Variants in MTUS2 observed in about 807,000 individuals in gnomAD.
MTUS2 encodes microtubule associated scaffold protein 2.
MTUS2 carries 40 observed loss-of-function variants against 114.1 expected under a neutral mutation model. The observed-to-expected ratio is 0.35, with a 90% CI of 0.27 to 0.46. MTUS2 has a LOEUF of 0.46. Ranked by LOEUF, MTUS2 falls within the 20% of genes least tolerant of loss-of-function variation. The pLI, the probability that MTUS2 is intolerant of heterozygous loss-of-function variation, is 1.00. For missense variants in MTUS2, 1,679 were observed against 1,705.4 expected (o/e 0.98, Z 0.27); for synonymous variants, 688 against 672.0 (o/e 1.02, Z -0.37).
intron 2 of MTUS2, among the ~76,000 whole-genome samples, chr13:29,013,105 G>A (rs1174838337): frequency 2.6e-5 from 4 of 152,192 alleles, no homozygotes; most frequent in Non-Finnish European, 5.9e-5. Context: ...CAGTTGAAAT[G>A]CCTATAGGAA....
intron 2 of MTUS2, among the ~76,000 whole-genome samples, chr13:28,921,925 G>A (rs1593301791): frequency 6.6e-6 from 1 of 152,350 alleles, no homozygotes; most frequent in East Asian, 1.9e-4. Context: ...GGTGGCACAA[G>A]CACAACCTGG....
chr13:29,076,456 C>T (rs1237614848), intron 4 of MTUS2, among the ~76,000 whole-genome samples: 1 of 152,164 alleles, frequency 6.6e-6, no homozygotes, highest in Non-Finnish European at 1.5e-5. Context: ...CTGAGTGATC[C>T]AGTCTTGGAG....
chr13:29,381,501 G>A (rs1014165872), intron 8 of MTUS2, among the ~76,000 whole-genome samples: 2 of 152,132 alleles, frequency 1.3e-5, no homozygotes, highest in African/African-American at 4.8e-5. Flanking sequence ...TTTACTATGT[G>A]GCAAGCACTG....
At chr13:28,882,464 C>T (rs1878350345) in intron 2 of MTUS2, among the ~76,000 whole-genome samples, 1 of 152,036 alleles carries the variant, frequency 6.6e-6, no homozygotes, top group Non-Finnish European at 1.5e-5. Flanking sequence ...GAGCTTGGTG[C>T]AATGGCTCAC....
chr13:29,026,095 G>T lies in MTUS2; in HGVS notation c.1397G>T (p.Ser466Ile), dbSNP rs990593143. 24 of 1,614,026 alleles carry T rather than the reference G, an allele frequency of 1.5e-5. No individual in the cohort carries two copies. The highest frequency in any genetic ancestry group is 2.0e-5 in the Non-Finnish European group (24 of 1,179,896). Reference protein sequence around the residue: ...ERRLGSGNKDSVMVLVFNPSV... With the variant: ...ERRLGSGNKDIVMVLVFNPSV... ...CGGTTGGGCAGTGGGAATAAGGACA[G>T]TGTTATGGTTTTGGTGTTCAATCCT... Residue 466 changes from serine to isoleucine, a missense_variant, in exon 3 of 16, where the codon AGT becomes ATT. Coordinates refer to ENST00000612955, the MANE Select transcript of MTUS2 (RefSeq NM_001033602.4).
At chr13:29,255,817 A>G (rs1897267603) in intron 5 of MTUS2, among the ~76,000 whole-genome samples, 1 of 152,182 alleles carries the variant, frequency 6.6e-6, no homozygotes, top group South Asian at 2.1e-4. Context: ...GAGAGTCAGC[A>G]TTCAGGAATA....
chr13:28,960,426 C>A (rs1883273549), intron 2 of MTUS2, among the ~76,000 whole-genome samples: 1 of 151,996 alleles, frequency 6.6e-6, no homozygotes, highest in African/African-American at 2.4e-5. Flanking sequence ...AAAATTTGTA[C>A]ACAGATGTTC....
chr13:28,830,558 A>G (rs773515515), intron 1 of MTUS2, among the ~76,000 whole-genome samples: 11 of 152,178 alleles, frequency 7.2e-5, no homozygotes, highest in Non-Finnish European at 1.2e-4. Context: ...TAGCAGAAGA[A>G]AGAATCGGCA....
intron 5 of MTUS2, among the ~76,000 whole-genome samples, chr13:29,158,048 TTGGGATG>T (rs1429220071): frequency 6.6e-6 from 1 of 152,202 alleles, no homozygotes; most frequent in Non-Finnish European, 1.5e-5. Context: ...GAGTGCCTTC[TTGGGATG>T]TGTTTTGTAA....
chr13:28,876,424 G>T (rs1209441939), intron 2 of MTUS2, among the ~76,000 whole-genome samples: 1 of 152,180 alleles, frequency 6.6e-6, no homozygotes, highest in African/African-American at 2.4e-5. Context: ...ACATCATCTG[G>T]TGGGTCCAGA....
chr13:29,399,120 C>A (rs1874134950), intron 8 of MTUS2, among the ~76,000 whole-genome samples: 1 of 152,190 alleles, frequency 6.6e-6, no homozygotes. Context: ...ATATGCTAAA[C>A]AAGTGGTGGA....
At chr13:28,905,939 A>T (rs144569958) in intron 2 of MTUS2, among the ~76,000 whole-genome samples, 19,770 of 151,420 alleles carry the variant, frequency 0.13, 1,938 homozygotes, top group African/African-American at 0.21. Context: ...AGAGCCTGTT[A>T]TTGGTCTATT....
intron 8 of MTUS2, among the ~76,000 whole-genome samples, chr13:29,397,367 C>G (rs1873985507): frequency 6.6e-6 from 1 of 152,186 alleles, no homozygotes; most frequent in South Asian, 2.1e-4. Flanking sequence ...GACCTACTTC[C>G]AGTTTCTTGG....
intron 5 of MTUS2, among the ~76,000 whole-genome samples, chr13:29,126,261 C>T (rs532150918): frequency 1.3e-5 from 2 of 152,286 alleles, no homozygotes; most frequent in East Asian, 3.9e-4. Context: ...ACCTTCAATC[C>T]CATGTGAAGA....
At chr13:29,034,507 G>A (rs567818423) in intron 4 of MTUS2, among the ~76,000 whole-genome samples, 86 of 152,354 alleles carry the variant, frequency 5.6e-4, no homozygotes, top group African/African-American at 2.0e-3. Context: ...TGTCGAGACA[G>A]AGAGAAGGTA....
At chr13:29,276,275 T>C (rs917247668) in intron 5 of MTUS2, among the ~76,000 whole-genome samples, 1 of 152,222 alleles carries the variant, frequency 6.6e-6, no homozygotes, top group Non-Finnish European at 1.5e-5. Flanking sequence ...TCGGTTCATG[T>C]ATTGAACTGG....
chr13:28,894,329 GGAGAGAGA>G (rs781653092), intron 2 of MTUS2, among the ~76,000 whole-genome samples: 1,474 of 60,790 alleles, frequency 0.024, 73 homozygotes, highest in African/African-American at 0.055. Context: ...AGGGAGGGAG[GGAGAGAGA>G]GAGAGAGAGA....
chr13:29,082,470 T>C (rs1437051985), intron 4 of MTUS2, among the ~76,000 whole-genome samples: 1 of 152,180 alleles, frequency 6.6e-6, no homozygotes, highest in Admixed American at 6.5e-5. Context: ...GATTAGTTGA[T>C]TGCAAGTGGC....
At chr13:28,881,629 C>T (rs888092178) in intron 2 of MTUS2, among the ~76,000 whole-genome samples, 3 of 152,162 alleles carry the variant, frequency 2.0e-5, no homozygotes, top group African/African-American at 7.2e-5. Flanking sequence ...CTGCATCCTT[C>T]AATATCTGCT....
Sources: gnomAD v4.1 joint callset for allele counts (sites outside exome capture counted in the v4.1 genomes callset) on GRCh38, gnomAD v4.1.1 for gene constraint, MANE v1.5 for transcripts, NCBI Gene and HGNC (gene_info 2026-07-23, HGNC 2026-07-21) for gene names.